Variants in FNBP1L observed in about 807,000 individuals in gnomAD.
The protein encoded by FNBP1L is formin-binding protein 1-like.
FNBP1L carries 36 observed loss-of-function variants against 91.2 expected under a neutral mutation model. That is an observed-to-expected ratio of 0.39 (90% confidence interval 0.30 to 0.52). FNBP1L has a LOEUF of 0.52. Among genes scored for constraint, FNBP1L ranks in the 20% least tolerant of loss-of-function variants. FNBP1L has a pLI of 0.66. For synonymous variants in FNBP1L, 242 were observed against 237.0 expected (o/e 1.02, Z -0.19); for missense variants, 571 against 732.1 (o/e 0.78, Z 2.54).
chr1:93,503,906 C>T (rs1287264331), intron 2 of FNBP1L, among the ~76,000 whole-genome samples: 1 of 152,056 alleles, frequency 6.6e-6, no homozygotes, highest in Non-Finnish European at 1.5e-5. Context: ...AGAGATAGTG[C>T]TGTATGAAAT....
rs115897114 is a variant in FNBP1L, at chr1:93,481,043, A to G, written c.25-18425A>G. On this transcript the variant is annotated intron_variant, in intron 1 of 16. Transcript: ENST00000271234. ...CTTCCTCCAATGTATGATGTGATTA[A>G]TCTTACTTGTGTTACCATAGACATT... 2.6e-3 allele frequency among the ~76,000 whole-genome samples: 403 copies of G among 152,274 alleles called. 1 individual carries two copies. The highest frequency in any genetic ancestry group is 9.5e-3 in the African/African-American group (393 of 41,560).
chr1:93,462,795 T>C (rs1047095083), intron 1 of FNBP1L, among the ~76,000 whole-genome samples: 17 of 152,166 alleles, frequency 1.1e-4, no homozygotes, highest in Non-Finnish European at 2.1e-4. Flanking sequence ...AAAGTAGTGT[T>C]TATCAGATTT....
intron 1 of FNBP1L, among the ~76,000 whole-genome samples, chr1:93,469,990 G>C (rs533085863): frequency 2.6e-5 from 4 of 152,156 alleles, no homozygotes; most frequent in Middle Eastern, 6.8e-3. Context: ...AAGGAAAAAT[G>C]TAATTGTGGT....
intron 2 of FNBP1L, among the ~76,000 whole-genome samples, chr1:93,513,127 A>G (rs559390029): frequency 3.9e-5 from 6 of 152,340 alleles, no homozygotes; most frequent in African/African-American, 1.4e-4. Context: ...ACCATCAGAG[A>G]ACACTACAAA....
chr1:93,523,298 A>G, intron 3 of FNBP1L, 46 bp from the exon 4 acceptor site: 5 of 1,550,118 alleles, frequency 3.2e-6, no homozygotes, highest in Middle Eastern at 3.4e-4. Context: ...CAACATTTGT[A>G]ATGAAAATAA....
intron 1 of FNBP1L, among the ~76,000 whole-genome samples, chr1:93,461,212 C>T (rs56284441): frequency 1.3e-5 from 2 of 152,238 alleles, no homozygotes; most frequent in Non-Finnish European, 2.9e-5. Flanking sequence ...TGCTTGTTTA[C>T]GCTGGAGTGT....
chr1:93,512,152 A>G (rs1670878020), intron 2 of FNBP1L, among the ~76,000 whole-genome samples: 1 of 152,294 alleles, frequency 6.6e-6, no homozygotes, highest in East Asian at 1.9e-4. Flanking sequence ...CTTTAAACCA[A>G]CAAAGATCAA....
intron 2 of FNBP1L, among the ~76,000 whole-genome samples, chr1:93,513,933 G>T (rs1459172630): frequency 1.3e-5 from 2 of 152,136 alleles, no homozygotes; most frequent in African/African-American, 4.8e-5. Flanking sequence ...AATTAGGCAG[G>T]AGAAAGAAAT....
intron 2 of FNBP1L, among the ~76,000 whole-genome samples, chr1:93,508,787 C>G (rs1670718080): frequency 1.3e-5 from 2 of 152,158 alleles, no homozygotes; most frequent in Non-Finnish European, 2.9e-5. Flanking sequence ...AGAAGCCTAA[C>G]TCAGATTGGT....
At chr1:93,529,871 T>G in intron 6 of FNBP1L, 115 bp downstream of exon 6, 1 of 635,966 alleles carries the variant, frequency 1.6e-6, no homozygotes, top group Non-Finnish European at 2.7e-6. Context: ...ACACTGTATC[T>G]AAGTCTAAAA....
chr1:93,495,506 A>G (rs1207194072), intron 1 of FNBP1L, among the ~76,000 whole-genome samples: 1 of 152,242 alleles, frequency 6.6e-6, no homozygotes, highest in African/African-American at 2.4e-5. Flanking sequence ...ACAGAATATT[A>G]AGTTATATTT....
intron 1 of FNBP1L, among the ~76,000 whole-genome samples, chr1:93,453,840 A>G (rs564258483): frequency 6.6e-6 from 1 of 152,366 alleles, no homozygotes; most frequent in East Asian, 1.9e-4. Context: ...TTTCATGCCT[A>G]TTATGGCTTC....
chr1:93,500,680 A>T (rs890959732), intron 2 of FNBP1L, among the ~76,000 whole-genome samples: 2 of 150,748 alleles, frequency 1.3e-5, no homozygotes, highest in African/African-American at 2.5e-5. Context: ...AAATTAATTT[A>T]AACTAGTGGT....
chr1:93,534,634 A>C (rs376446020), intron 8 of FNBP1L, 71 bp from the exon 9 acceptor site: 32 of 1,016,820 alleles, frequency 3.1e-5, no homozygotes, highest in Middle Eastern at 3.1e-4. Context: ...TTTGTACTGA[A>C]AAAGTTATGA....
At chr1:93,527,562 T>G (rs934013243) in intron 5 of FNBP1L, among the ~76,000 whole-genome samples, 3 of 152,266 alleles carry the variant, frequency 2.0e-5, no homozygotes, top group African/African-American at 2.4e-5. Context: ...GGCAAGAAAT[T>G]GGAAGTCTTT....
chr1:93,536,982 A>G (rs1671871326), intron 10 of FNBP1L, among the ~76,000 whole-genome samples: 1 of 152,126 alleles, frequency 6.6e-6, no homozygotes, highest in Non-Finnish European at 1.5e-5. Context: ...CATTTTAAAT[A>G]TCAAGATTGT....
chr1:93,537,599 T>G (rs190049876), intron 10 of FNBP1L, among the ~76,000 whole-genome samples: 3 of 152,300 alleles, frequency 2.0e-5, no homozygotes, highest in Non-Finnish European at 2.9e-5. Context: ...TCTTTTTTCC[T>G]CCAGTGACAT....
rs563892161 is a variant in FNBP1L at position 93,473,202 on chromosome 1, TTAAC to T, written c.24+24898_24+24901del. Among the ~76,000 whole-genome samples the T allele has an allele frequency of 3.4e-3, 519 of 152,324 alleles. 5 individuals carry two copies. Among genetic ancestry groups the T allele is most frequent in the Non-Finnish European group, 3.6e-3 (244 of 68,022 alleles). ...TGCTTTAGATGGAAGTGTAAAGTAA[TTAAC>T]AAGTGATTTTGAACCATTTTATTTT... On this transcript the variant is annotated intron_variant, in intron 1 of 16. Coordinates refer to ENST00000271234, the MANE Select transcript of FNBP1L (RefSeq NM_001164473.3).
At chr1:93,479,504 G>A (rs559502427) in intron 1 of FNBP1L, among the ~76,000 whole-genome samples, 109 of 152,214 alleles carry the variant, frequency 7.2e-4, no homozygotes, top group Non-Finnish European at 8.8e-4. Flanking sequence ...GAGCCTGAGG[G>A]TACTGCAGGA....
Sources: allele counts gnomAD v4.1 joint callset (sites outside exome capture counted in the v4.1 genomes callset), GRCh38; gene constraint gnomAD v4.1.1; transcripts MANE v1.5; gene names NCBI Gene and HGNC (gene_info 2026-07-23, HGNC 2026-07-21).